The following MACROD2 variants were observed in gnomAD, a reference collection of about 807,000 sequenced individuals.
MACROD2 encodes the protein ADP-ribose glycohydrolase MACROD2.
A neutral mutation model predicts 70.4 loss-of-function variants in MACROD2; 36 were observed. The observed-to-expected ratio is 0.51, with a 90% confidence interval of 0.39 to 0.68. The LOEUF is 0.68. Among genes scored for constraint, MACROD2 ranks in the 30% least tolerant of loss-of-function variants. The probability of loss-of-function intolerance (pLI) is 0.00; values close to 1 mark genes in which losing one functional copy is unlikely to be tolerated. For synonymous variants in MACROD2, 172 were observed against 178.8 expected, an observed-to-expected ratio of 0.96 and a Z score of 0.30; for missense variants, 496 against 538.4, an observed-to-expected ratio of 0.92 and a Z score of 0.78.
chr20:14,318,492 G>A (rs2082631881), intron 3 of MACROD2, among the ~76,000 whole-genome samples: 1 of 152,146 alleles, frequency 6.6e-6, no homozygotes, highest in African/African-American at 2.4e-5. Context: ...TCTTTGCCTG[G>A]AATCTTATGA....
chr20:14,751,314 C>T (rs935955230), intron 5 of MACROD2, among the ~76,000 whole-genome samples: 25 of 113,442 alleles, frequency 2.2e-4, no homozygotes, highest in African/African-American at 6.9e-4. Flanking sequence ...TCAGTTCCTC[C>T]CTTTTTTTTT....
intron 3 of MACROD2, among the ~76,000 whole-genome samples, chr20:14,398,524 A>G (rs1331426518): frequency 1.3e-5 from 2 of 152,022 alleles, no homozygotes; most frequent in African/African-American, 4.8e-5. Flanking sequence ...TCACTAAAAC[A>G]AATTTGATGT....
chr20:15,333,189 C>A (rs1600253503), intron 6 of MACROD2, among the ~76,000 whole-genome samples: 1 of 151,588 alleles, frequency 6.6e-6, no homozygotes, highest in East Asian at 1.9e-4. Context: ...GCAAAATTTT[C>A]AGCCCCACTC....
intron 4 of MACROD2, among the ~76,000 whole-genome samples, chr20:14,623,322 C>T (rs1983941982): frequency 6.6e-6 from 1 of 152,000 alleles, no homozygotes; most frequent in East Asian, 1.9e-4. Flanking sequence ...GAATTGGGAG[C>T]ATATATGTTG....
At chr20:14,787,367 T>C (rs1056387445) in intron 5 of MACROD2, among the ~76,000 whole-genome samples, 4 of 152,048 alleles carry the variant, frequency 2.6e-5, no homozygotes, top group Non-Finnish European at 5.9e-5. Context: ...AGAACATCTG[T>C]CATTGTTAAA....
In MACROD2 at chr20:15,906,980, G is replaced by A. The variant is rs571208337; in HGVS notation, c.775+21169G>A. ...TTTTTCCTCTGTTTGTAATTGATGA[G>A]TACCCCTTGTGGGAAGGCACAATGA... On this transcript the variant is annotated intron_variant, in intron 10 of 17. Transcript: ENST00000684519. 1.4e-4 allele frequency among the ~76,000 whole-genome samples: 21 copies of A among 152,308 alleles called. No homozygotes were observed. In the South Asian group the frequency reaches 4.1e-3, roughly 30 times the overall value.
chr20:14,571,872 C>A (rs1015185391), intron 4 of MACROD2, among the ~76,000 whole-genome samples: 2 of 151,942 alleles, frequency 1.3e-5, no homozygotes, highest in African/African-American at 4.8e-5. Flanking sequence ...AATACCTTGT[C>A]TTTATGTATT....
At chr20:15,046,244 ATGGATCAGTAATT>A in intron 5 of MACROD2, among the ~76,000 whole-genome samples, 1 of 152,274 alleles carries the variant, frequency 6.6e-6, no homozygotes, top group Non-Finnish European at 1.5e-5. Context: ...GAGACAACAT[ATGGATCAGTAATT>A]TAAAAATATA....
intron 3 of MACROD2, among the ~76,000 whole-genome samples, chr20:14,299,769 A>G (rs930320113): frequency 6.6e-6 from 1 of 152,174 alleles, no homozygotes; most frequent in African/African-American, 2.4e-5. Context: ...AAGGGATAAG[A>G]TTACTTGTGG....
At chr20:16,037,573 A>G (rs1016748566) in intron 15 of MACROD2, among the ~76,000 whole-genome samples, 1 of 151,856 alleles carries the variant, frequency 6.6e-6, no homozygotes, top group Non-Finnish European at 1.5e-5. Flanking sequence ...AGGTCTGATG[A>G]TGTCCCAGAG....
At chr20:14,926,255 A>T (rs150064344) in intron 5 of MACROD2, among the ~76,000 whole-genome samples, 1,675 of 152,202 alleles carry the variant, frequency 0.011, 33 homozygotes, top group African/African-American at 0.039. Context: ...TTTTTAAAAA[A>T]ATAGGGAGCA....
intron 4 of MACROD2, among the ~76,000 whole-genome samples, chr20:14,542,199 G>A (rs753624250): frequency 3.3e-5 from 5 of 152,242 alleles, no homozygotes; most frequent in African/African-American, 9.6e-5. Context: ...TTCCCTCACC[G>A]CACTCCTATG....
chr20:14,753,139 GA>G (rs1170116120), intron 5 of MACROD2, among the ~76,000 whole-genome samples: 1 of 151,982 alleles, frequency 6.6e-6, no homozygotes, highest in Non-Finnish European at 1.5e-5. Context: ...TCATTCCTGT[GA>G]CAGAAAACCC....
chr20:15,054,364 A>T (rs2075466283), intron 5 of MACROD2, among the ~76,000 whole-genome samples: 1 of 152,180 alleles, frequency 6.6e-6, no homozygotes. Context: ...AAATTGCCAC[A>T]GCCACCCCAG....
intron 3 of MACROD2, among the ~76,000 whole-genome samples, chr20:14,365,526 G>A (rs555034780): frequency 2.4e-4 from 36 of 151,940 alleles, no homozygotes; most frequent in Non-Finnish European, 5.2e-4. Context: ...TCCAGCTAAA[G>A]GTTTGTTAGT....
chr20:15,137,727 ATAATCT>A (rs1182992385), intron 5 of MACROD2, among the ~76,000 whole-genome samples: 3 of 152,106 alleles, frequency 2.0e-5, no homozygotes, highest in Non-Finnish European at 2.9e-5. Flanking sequence ...AAAAAAAATA[ATAATCT>A]TAAAGGTAAG....
chr20:15,927,021 G>A (rs1047050169), intron 10 of MACROD2, among the ~76,000 whole-genome samples: 8 of 152,026 alleles, frequency 5.3e-5, no homozygotes, highest in Admixed American at 3.9e-4. Flanking sequence ...GGCCCCAGCC[G>A]GCACTAACCA....
intron 5 of MACROD2, among the ~76,000 whole-genome samples, chr20:14,979,925 G>A (rs1247143662): frequency 6.6e-6 from 1 of 152,098 alleles, no homozygotes; most frequent in Non-Finnish European, 1.5e-5. Context: ...CTATAAAATA[G>A]GGATGATAAT....
intron 15 of MACROD2, among the ~76,000 whole-genome samples, chr20:15,998,414 T>C (rs2066661666): frequency 1.3e-5 from 2 of 152,326 alleles, no homozygotes; most frequent in Non-Finnish European, 2.9e-5. Context: ...TGTTAGATTG[T>C]ATGCTTCTAG....
Sources: gnomAD v4.1 joint callset for allele counts (sites outside exome capture counted in the v4.1 genomes callset) on GRCh38, gnomAD v4.1.1 for gene constraint, MANE v1.5 for transcripts, NCBI Gene and HGNC (gene_info 2026-07-23, HGNC 2026-07-21) for gene names.